Variants in CDH6 observed in about 807,000 individuals in gnomAD.
CDH6 encodes cadherin-6.
In CDH6, 31 loss-of-function variants were observed where a neutral mutation model predicts 78.0. The ratio of observed to expected loss-of-function variants is 0.40; its 90% CI spans 0.30 to 0.54. CDH6 has a LOEUF of 0.54. Among genes scored for constraint, CDH6 ranks in the 20% least tolerant of loss-of-function variants. The probability of loss-of-function intolerance (pLI) is 0.56; values close to 1 mark genes in which losing one functional copy is unlikely to be tolerated. For missense variants in CDH6, 724 were observed against 975.9 expected (o/e 0.74, Z 3.44); for synonymous variants, 376 against 368.8 (o/e 1.02, Z -0.23).
intron 2 of CDH6, among the ~76,000 whole-genome samples, chr5:31,282,281 C>T (rs915900706): frequency 6.6e-6 from 1 of 152,118 alleles, no homozygotes. Flanking sequence ...GGGAAGGATC[C>T]ATTTCCCGTC....
At chr5:31,210,061 C>A (rs1740650106) in intron 1 of CDH6, among the ~76,000 whole-genome samples, 1 of 139,770 alleles carries the variant, frequency 7.2e-6, no homozygotes, top group Admixed American at 7.2e-5. Flanking sequence ...ATTCTTGGGA[C>A]CAGCTTTTCT....
At chr5:31,318,887 C>T (rs1221600328) in intron 11 of CDH6, 1 of 226,324 alleles carries the variant, frequency 4.4e-6, no homozygotes, top group African/African-American at 2.2e-5. Flanking sequence ...GGGATCCCTG[C>T]TCTAGCGCTC....
chr5:31,267,248 C>T (rs1742387643), intron 1 of CDH6, 98 bp from the exon 2 acceptor site: 2 of 493,534 alleles, frequency 4.1e-6, no homozygotes, highest in South Asian at 3.9e-5. Flanking sequence ...TGTTGTTTTG[C>T]TATTCAAATT....
chr5:31,292,043 A>T (rs1317002072), intron 2 of CDH6, among the ~76,000 whole-genome samples: 2 of 152,160 alleles, frequency 1.3e-5, no homozygotes, highest in African/African-American at 2.4e-5. Flanking sequence ...TGCACCAAAT[A>T]ATCTATAAAG....
rs986531485 is a variant in CDH6 at position 31,328,618 on chromosome 5, G to T, written c.*5310G>T. ...AGTAGTTCCAAGCTAAAGCAATTTG[G>T]CATTCTCCCACTGTGATTTGTGACT... On this transcript the variant is annotated 3_prime_UTR_variant, in exon 12 of 12. Transcript: ENST00000265071. 9 of 205,680 alleles carry T rather than the reference G, an allele frequency of 4.4e-5. No individual in the cohort carries two copies. Among genetic ancestry groups the T allele is most frequent in the Admixed American group, 4.2e-4 (7 of 16,780 alleles). The allele number at this position is 205,680 out of a possible 1,614,324, so 12.7% of individuals were successfully genotyped here.
chr5:31,278,395 A>T (rs1180438335), intron 2 of CDH6, among the ~76,000 whole-genome samples: 2 of 152,198 alleles, frequency 1.3e-5, no homozygotes, highest in East Asian at 1.9e-4. Context: ...GCACAAACTA[A>T]CAAGAAAAAT....
At chr5:31,222,324 A>T (rs1306320052) in intron 1 of CDH6, among the ~76,000 whole-genome samples, 5 of 152,214 alleles carry the variant, frequency 3.3e-5, no homozygotes, top group African/African-American at 1.2e-4. Context: ...AAAGTGATTG[A>T]TACAGGTATA....
rs1244060460 is a variant in CDH6, at chr5:31,327,522, A to C, written c.*4214A>C. On this transcript the variant is annotated 3_prime_UTR_variant, in exon 12 of 12. Transcript: ENST00000265071. ...TGATATTATAAAAGGGGACTCAAAA[A>C]TCCAAGCAGTCTACTGTGTTTAAAT... 1 of 192,378 alleles carries C rather than the reference A, an allele frequency of 5.2e-6. No individual in the cohort carries two copies. The highest frequency in any genetic ancestry group is 1.1e-5 in the Non-Finnish European group (1 of 92,022). 11.9% of individuals were successfully genotyped at this position (192,378 alleles called of 1,614,324 possible).
intron 1 of CDH6, among the ~76,000 whole-genome samples, chr5:31,205,628 A>G (rs1411323793): frequency 6.6e-6 from 1 of 152,186 alleles, no homozygotes; most frequent in Non-Finnish European, 1.5e-5. Context: ...AAACTAAACA[A>G]TGTCCTTGCC....
chr5:31,313,802 T>G (rs76293878), intron 8 of CDH6, among the ~76,000 whole-genome samples: 1 of 147,264 alleles, frequency 6.8e-6, no homozygotes, highest in African/African-American at 2.4e-5. Context: ...ACACTGTGTG[T>G]GGGGGCAAAA....
chr5:31,224,351 G>A (rs187520659), intron 1 of CDH6, among the ~76,000 whole-genome samples: 2 of 152,276 alleles, frequency 1.3e-5, no homozygotes, highest in Admixed American at 1.3e-4. Flanking sequence ...CCCACAACAT[G>A]TGGGAATTCA....
intron 1 of CDH6, among the ~76,000 whole-genome samples, chr5:31,228,731 T>G (rs1279052835): frequency 6.6e-6 from 1 of 152,162 alleles, no homozygotes; most frequent in African/African-American, 2.4e-5. Context: ...GGGTTCGCCC[T>G]CCTATGAGAA....
intron 1 of CDH6, among the ~76,000 whole-genome samples, chr5:31,200,570 A>G (rs1047506765): frequency 2.4e-4 from 27 of 113,318 alleles, no homozygotes; most frequent in Admixed American, 8.7e-4. Context: ...ACATACATAC[A>G]CACACACACA....
At chr5:31,308,745 A>C (rs1226327072) in intron 7 of CDH6, among the ~76,000 whole-genome samples, 1 of 152,118 alleles carries the variant, frequency 6.6e-6, no homozygotes, top group East Asian at 1.9e-4. Context: ...TCAACTAAAA[A>C]TTCTCACCTC....
chr5:31,298,339 A>G (rs1456985601), intron 4 of CDH6, among the ~76,000 whole-genome samples: 1 of 152,220 alleles, frequency 6.6e-6, no homozygotes, highest in Non-Finnish European at 1.5e-5. Context: ...CTCTGTGTTA[A>G]GTGCTGCAAT....
chr5:31,319,346 A>T (rs555673549), intron 11 of CDH6, among the ~76,000 whole-genome samples: 13 of 152,316 alleles, frequency 8.5e-5, no homozygotes, highest in East Asian at 7.7e-4. Flanking sequence ...ATCTCTTTGG[A>T]ATTCTGTACC....
chr5:31,234,013 A>T (rs1197594062), intron 1 of CDH6, among the ~76,000 whole-genome samples: 2 of 151,390 alleles, frequency 1.3e-5, no homozygotes, highest in Admixed American at 6.6e-5. Context: ...GCTTTTGAAC[A>T]AATGAAAAAT....
At chr5:31,302,958 G>GAAAGAAAGAAGGAAA (rs1561066578) in intron 6 of CDH6, among the ~76,000 whole-genome samples, 15 of 106,098 alleles carry the variant, frequency 1.4e-4, no homozygotes, top group Non-Finnish European at 2.3e-4. Flanking sequence ...AAAGAAAGAA[G>GAAAGAAAGAAGGAAA]GAAAGAAAAG....
intron 1 of CDH6, among the ~76,000 whole-genome samples, chr5:31,258,359 T>C (rs1003195888): frequency 1.3e-5 from 2 of 151,964 alleles, no homozygotes; most frequent in African/African-American, 4.8e-5. Context: ...ACGCTGGAAA[T>C]CATTATTCTC....
Sources: gnomAD v4.1 joint callset for allele counts (sites outside exome capture counted in the v4.1 genomes callset) on GRCh38, gnomAD v4.1.1 for gene constraint, MANE v1.5 for transcripts, NCBI Gene and HGNC (gene_info 2026-07-23, HGNC 2026-07-21) for gene names.